HS6ST3: variants seen among roughly 807,000 people sequenced by gnomAD.
HS6ST3 encodes the protein heparan sulfate 6-O-sulfotransferase 3, also known as heparan-sulfate 6-O-sulfotransferase 3.
Under a neutral mutation model 36.7 loss-of-function variants are expected in HS6ST3, and 12 were observed. The observed-to-expected ratio is 0.33, with a 90% CI of 0.21 to 0.53. HS6ST3 has a LOEUF of 0.53. Among genes scored for constraint, HS6ST3 ranks in the 20% least tolerant of loss-of-function variants. The pLI is 0.95. For synonymous variants in HS6ST3, 240 were observed against 257.5 expected (o/e 0.93, Z 0.65); for missense variants, 584 against 640.9 (o/e 0.91, Z 0.96).
At chr13:96,283,407 A>T (rs1238335883) in intron 1 of HS6ST3, among the ~76,000 whole-genome samples, 3 of 152,158 alleles carry the variant, frequency 2.0e-5, no homozygotes, top group African/African-American at 7.2e-5. Context: ...GAAAATGTTT[A>T]TCATGTAATA....
chr13:96,344,052 A>G (rs1267578239), intron 1 of HS6ST3, among the ~76,000 whole-genome samples: 1 of 152,110 alleles, frequency 6.6e-6, no homozygotes, highest in Non-Finnish European at 1.5e-5. Flanking sequence ...TCGTTATTAC[A>G]GTATCTTTAC....
intron 1 of HS6ST3, among the ~76,000 whole-genome samples, chr13:96,325,589 T>C (rs955122295): frequency 1.3e-5 from 2 of 152,084 alleles, no homozygotes; most frequent in East Asian, 3.9e-4. Context: ...GTGTAGATTA[T>C]ATGCAAATCC....
At chr13:96,592,115 A>T (rs970187514) in intron 1 of HS6ST3, among the ~76,000 whole-genome samples, 2 of 151,858 alleles carry the variant, frequency 1.3e-5, no homozygotes, top group Admixed American at 6.6e-5. Flanking sequence ...TTTGTTGAGA[A>T]TTTTTTGCAT....
chr13:96,188,549 TA>T (rs1410057858), intron 1 of HS6ST3, among the ~76,000 whole-genome samples: 1 of 152,192 alleles, frequency 6.6e-6, no homozygotes, highest in Admixed American at 6.5e-5. Context: ...TCCCCATCAG[TA>T]AAACAGAGAT....
At chr13:96,347,315 C>G (rs2055160686) in intron 1 of HS6ST3, among the ~76,000 whole-genome samples, 1 of 152,170 alleles carries the variant, frequency 6.6e-6, no homozygotes, top group South Asian at 2.1e-4. Flanking sequence ...TATGGAGTTG[C>G]CAACAAAAGC....
In HS6ST3 at chr13:96,091,047, C is replaced by T. The variant is rs770770230; in HGVS notation, c.185C>T (p.Pro62Leu). 6.0e-5 allele frequency: 75 copies of T among 1,256,908 alleles called. No homozygotes were observed. The African/African-American group carries it at 1.1e-3, about 18-fold the overall frequency. 77.9% of individuals were successfully genotyped at this position (1,256,908 alleles called of 1,614,324 possible). A position where few individuals can be genotyped will look rare whatever the true frequency, so the allele number is the denominator to read the frequency against. ...PGPARRAQAP[P>L]EEWERRPQLP... ...CCCGCCCGCCGGGCTCAGGCGCCGC[C>T]GGAGGAGTGGGAGCGGCGGCCCCAG... Residue 62 changes from proline to leucine, a missense_variant, in exon 1 of 2, where the codon CCG (proline) becomes CTG (leucine). Coordinates refer to ENST00000376705, the MANE Select transcript of HS6ST3 (RefSeq NM_153456.4).
chr13:96,090,765 G>A lies in HS6ST3; in HGVS notation c.-98G>A, dbSNP rs1239224856. 6 of 1,038,104 alleles carry A rather than the reference G, an allele frequency of 5.8e-6. No homozygotes were observed. Among genetic ancestry groups the A allele is most frequent in the African/African-American group, 5.1e-5 (3 of 58,254 alleles). 64.3% of individuals were successfully genotyped at this position (1,038,104 alleles called of 1,614,324 possible). A position where few individuals can be genotyped will look rare whatever the true frequency, so the allele number is the denominator to read the frequency against. Reference sequence around the variant, plus strand: ...GGGGCATGGAGGAACGGCGGGCTCCGAGCCGCGCCCCGGAGTCCGCGAAAC... The same window carrying A: ...GGGGCATGGAGGAACGGCGGGCTCCAAGCCGCGCCCCGGAGTCCGCGAAAC... On this transcript the variant is annotated 5_prime_UTR_variant, in exon 1 of 2. Coordinates refer to ENST00000376705, the MANE Select transcript of HS6ST3 (RefSeq NM_153456.4).
chr13:96,442,238 TCCTGAGC>T (rs1275982540), intron 1 of HS6ST3, among the ~76,000 whole-genome samples: 2 of 152,190 alleles, frequency 1.3e-5, no homozygotes, highest in East Asian at 3.8e-4. Context: ...GGTCTTGAAC[TCCTGAGC>T]TCAGGTAATC....
chr13:96,254,448 A>C (rs9590376), intron 1 of HS6ST3, among the ~76,000 whole-genome samples: 1 of 16,534 alleles, frequency 6.0e-5, no homozygotes, highest in Admixed American at 1.3e-3. Context: ...AAAAAAAAAA[A>C]ATATATATAT....
At chr13:96,569,309 GGGTCTTGATATTCTCT>G (rs1220232534) in intron 1 of HS6ST3, among the ~76,000 whole-genome samples, 12 of 152,230 alleles carry the variant, frequency 7.9e-5, no homozygotes, top group East Asian at 3.9e-4. Context: ...GTGACACTGT[GGGTCTTGATATTCTCT>G]GGTCTTGATA....
At chr13:96,469,259 ATTAGT>A (rs2138889137) in intron 1 of HS6ST3, among the ~76,000 whole-genome samples, 1 of 152,058 alleles carries the variant, frequency 6.6e-6, no homozygotes, top group African/African-American at 2.4e-5. Flanking sequence ...TTACCATGAA[ATTAGT>A]TTTCTCCGTC....
intron 1 of HS6ST3, among the ~76,000 whole-genome samples, chr13:96,219,726 C>A (rs1031904849): frequency 6.6e-6 from 1 of 152,098 alleles, no homozygotes; most frequent in African/African-American, 2.4e-5. Context: ...CTCTGTCATC[C>A]AGGCTGGAGT....
chr13:96,573,627 A>T (rs2056309307), intron 1 of HS6ST3: 1 of 250,380 alleles, frequency 4.0e-6, no homozygotes, highest in African/African-American at 2.4e-5. Context: ...CCCAATCAGG[A>T]TAGGAAAAAT....
At chr13:96,760,967 G>A (rs554834744) in intron 1 of HS6ST3, among the ~76,000 whole-genome samples, 21 of 152,018 alleles carry the variant, frequency 1.4e-4, no homozygotes, top group African/African-American at 5.1e-4. Context: ...CTGTGCTCTT[G>A]GAAACCATGA....
At chr13:96,775,355 G>T (rs1594857303) in intron 1 of HS6ST3, among the ~76,000 whole-genome samples, 1 of 151,808 alleles carries the variant, frequency 6.6e-6, no homozygotes, top group Non-Finnish European at 1.5e-5. Flanking sequence ...ATGTAAACAG[G>T]TTAAATGCCT....
At chr13:96,455,039 T>A (rs969036212) in intron 1 of HS6ST3, among the ~76,000 whole-genome samples, 2 of 152,154 alleles carry the variant, frequency 1.3e-5, no homozygotes, top group African/African-American at 2.4e-5. Context: ...AGCTTCTATA[T>A]TTTTGTCTGT....
chr13:96,704,203 A>G (rs1464479175), intron 1 of HS6ST3, among the ~76,000 whole-genome samples: 1 of 152,216 alleles, frequency 6.6e-6, no homozygotes, highest in African/African-American at 2.4e-5. Context: ...ATATCAGCAC[A>G]GAGTGGACTG....
chr13:96,744,207 C>G (rs1192263074), intron 1 of HS6ST3, among the ~76,000 whole-genome samples: 1 of 151,680 alleles, frequency 6.6e-6, no homozygotes, highest in East Asian at 1.9e-4. Flanking sequence ...TTTTCTCTTT[C>G]CATAAGGAGT....
chr13:96,742,503 T>C (rs534930098), intron 1 of HS6ST3, among the ~76,000 whole-genome samples: 3 of 152,142 alleles, frequency 2.0e-5, no homozygotes, highest in East Asian at 3.9e-4. Context: ...ACCAGGCAAA[T>C]GTTAACAATA....
Sources: allele counts gnomAD v4.1 joint callset (sites outside exome capture counted in the v4.1 genomes callset), GRCh38; gene constraint gnomAD v4.1.1; transcripts MANE v1.5; gene names NCBI Gene and HGNC (gene_info 2026-07-23, HGNC 2026-07-21).